DESI2: variants seen among roughly 807,000 people sequenced by gnomAD.
DESI2 encodes the protein deubiquitinase DESI2.
Under a neutral mutation model 24.1 loss-of-function variants are expected in DESI2, and 10 were observed. That is an observed-to-expected ratio of 0.41 (90% CI 0.26 to 0.70). The LOEUF (loss-of-function observed/expected upper bound fraction) is 0.70. Ranked by LOEUF, DESI2 falls within the 30% of genes least tolerant of loss-of-function variation. DESI2 has a pLI of 0.29. For missense variants in DESI2, 122 were observed against 234.9 expected (o/e 0.52, Z 3.14); for synonymous variants, 71 against 87.7 (o/e 0.81, Z 1.06).
At chr1:244,657,204 A>G (rs1280433876) in intron 1 of DESI2, among the ~76,000 whole-genome samples, 1 of 152,272 alleles carries the variant, frequency 6.6e-6, no homozygotes, top group Non-Finnish European at 1.5e-5. Flanking sequence ...GCCTGTCTCC[A>G]TTAGACTCCT....
intron 1 of DESI2, among the ~76,000 whole-genome samples, chr1:244,657,507 G>C (rs922735325): frequency 4.6e-5 from 7 of 152,198 alleles, no homozygotes; most frequent in African/African-American, 1.7e-4. Flanking sequence ...ACCCTTCACA[G>C]TCAGTCAGCT....
intron 1 of DESI2, among the ~76,000 whole-genome samples, chr1:244,667,943 G>T (rs1299282153): frequency 6.6e-6 from 1 of 152,216 alleles, no homozygotes; most frequent in Non-Finnish European, 1.5e-5. Flanking sequence ...GAACATCCCT[G>T]ACATAATTTA....
chr1:244,683,646 T>C (rs1676711104), intron 1 of DESI2, among the ~76,000 whole-genome samples: 2 of 152,044 alleles, frequency 1.3e-5, no homozygotes, highest in African/African-American at 4.8e-5. Flanking sequence ...TGCTTTTGTT[T>C]CCCTAACAAA....
intron 4 of DESI2, among the ~76,000 whole-genome samples, chr1:244,700,039 C>G (rs2148816820): frequency 6.6e-6 from 1 of 152,310 alleles, no homozygotes; most frequent in African/African-American, 2.4e-5. Context: ...TTCAGGTAGT[C>G]CCTCTGAAAC....
chr1:244,663,730 A>G (rs1337835680), intron 1 of DESI2, among the ~76,000 whole-genome samples: 1 of 152,052 alleles, frequency 6.6e-6, no homozygotes, highest in African/African-American at 2.4e-5. Context: ...AAATTATTCA[A>G]GAACTTGGCC....
chr1:244,663,468 A>G (rs762612320), intron 1 of DESI2, among the ~76,000 whole-genome samples: 19 of 151,912 alleles, frequency 1.3e-4, no homozygotes, highest in Non-Finnish European at 2.5e-4. Flanking sequence ...GAGCCACCGC[A>G]CCTGGCTGCA....
rs190370316 is a variant in DESI2 at position 244,667,893 on chromosome 1, G to A, written c.42+14538G>A. Among the ~76,000 whole-genome samples the A allele has an allele frequency of 4.6e-5, 7 of 152,328 alleles. No homozygotes were observed. In the South Asian group the frequency reaches 6.2e-4, roughly 14 times the overall value. On this transcript the variant is annotated intron_variant, in intron 1 of 4. Coordinates refer to ENST00000302550, the MANE Select transcript of DESI2 (RefSeq NM_016076.5). The stretch of plus-strand genomic sequence containing the variant: ...CACAAGCCATTGCTGGTGCTGAAGC[G>A]TAGTCACTCATTGTGTGATCTTGGT...
chr1:244,701,212 T>TCCCCCCCCCCCCCCC (rs1677442100), intron 4 of DESI2, among the ~76,000 whole-genome samples: 1 of 57,720 alleles, frequency 1.7e-5, no homozygotes, highest in Non-Finnish European at 2.7e-5. Context: ...CACCTTCCCC[T>TCCCCCCCCCCCCCCC]CCACCCCCCC....
intron 3 of DESI2, among the ~76,000 whole-genome samples, chr1:244,691,001 G>C (rs1677006092): frequency 6.6e-6 from 1 of 152,150 alleles, no homozygotes; most frequent in Admixed American, 6.5e-5. Flanking sequence ...GTATTTTCAG[G>C]TTCCTTGGAT....
intron 1 of DESI2, among the ~76,000 whole-genome samples, chr1:244,670,818 C>T (rs781288933): frequency 6.6e-6 from 1 of 152,218 alleles, no homozygotes; most frequent in African/African-American, 2.4e-5. Flanking sequence ...ACATAGGTCT[C>T]CCAACTCAGT....
intron 1 of DESI2, among the ~76,000 whole-genome samples, chr1:244,684,588 TTTC>T (rs1393729890): frequency 6.6e-6 from 1 of 152,222 alleles, no homozygotes; most frequent in Non-Finnish European, 1.5e-5. Context: ...CTCATTCTTT[TTTC>T]TTTTTTAAAA....
intron 1 of DESI2, among the ~76,000 whole-genome samples, chr1:244,674,085 C>T (rs1344031483): frequency 2.0e-5 from 3 of 149,758 alleles, no homozygotes; most frequent in Admixed American, 6.7e-5. Flanking sequence ...ACCTCCGCCT[C>T]CCAGGTTCAA....
chr1:244,685,529 T>A (rs1282472366), intron 1 of DESI2, among the ~76,000 whole-genome samples: 1 of 152,204 alleles, frequency 6.6e-6, no homozygotes, highest in African/African-American at 2.4e-5. Context: ...ATTGCTTAAT[T>A]CTTCTTCCAG....
intron 1 of DESI2, among the ~76,000 whole-genome samples, chr1:244,671,995 G>A (rs759690443): frequency 6.6e-6 from 1 of 152,140 alleles, no homozygotes; most frequent in Non-Finnish European, 1.5e-5. Flanking sequence ...ATAAAACCAA[G>A]TTACATGATT....
intron 4 of DESI2, 43 bp from the exon 5 acceptor site, chr1:244,705,513 C>G (rs1677660086): frequency 6.4e-7 from 1 of 1,552,672 alleles, no homozygotes; most frequent in African/African-American, 1.4e-5. Flanking sequence ...ACCAGGTAAT[C>G]TTAACCTCTC....
chr1:244,656,748 C>T (rs946416882), intron 1 of DESI2, among the ~76,000 whole-genome samples: 1 of 152,090 alleles, frequency 6.6e-6, no homozygotes, highest in African/African-American at 2.4e-5. Flanking sequence ...TTTGCAAATT[C>T]ATTGTGTTAA....
intron 4 of DESI2, among the ~76,000 whole-genome samples, chr1:244,703,304 C>T (rs1009206767): frequency 1.4e-4 from 22 of 152,028 alleles, no homozygotes; most frequent in Admixed American, 9.8e-4. Context: ...CTCACCTGCC[C>T]GGCCTGTTTG....
chr1:244,702,907 CTT>C (rs1039695578), intron 4 of DESI2, among the ~76,000 whole-genome samples: 7 of 151,920 alleles, frequency 4.6e-5, no homozygotes, highest in African/African-American at 1.7e-4. Flanking sequence ...ACTAAATAGT[CTT>C]AGTCATGACT....
At chr1:244,659,824 T>C (rs1675776943) in intron 1 of DESI2, among the ~76,000 whole-genome samples, 1 of 152,216 alleles carries the variant, frequency 6.6e-6, no homozygotes, top group African/African-American at 2.4e-5. Context: ...CTATGAAAGG[T>C]GTTTTGTAAA....
Sources: allele counts gnomAD v4.1 joint callset (sites outside exome capture counted in the v4.1 genomes callset), GRCh38; gene constraint gnomAD v4.1.1; transcripts MANE v1.5; gene names NCBI Gene and HGNC (gene_info 2026-07-23, HGNC 2026-07-21).